Variants in PAXBP1 observed in about 807,000 individuals in gnomAD.
PAXBP1 encodes PAX3 and PAX7 binding protein 1.
A neutral mutation model predicts 119.9 loss-of-function variants in PAXBP1; 44 were observed. The ratio of observed to expected loss-of-function variants is 0.37; its 90% CI spans 0.29 to 0.47. PAXBP1 has a LOEUF of 0.47. PAXBP1 is among the 20% of genes least tolerant of loss of function. The probability of loss-of-function intolerance (pLI) is 0.99; values close to 1 mark genes in which losing one functional copy is unlikely to be tolerated. For missense variants in PAXBP1, 898 were observed against 1,134.1 expected (o/e 0.79, Z 2.99); for synonymous variants, 393 against 406.6 (o/e 0.97, Z 0.40).
intron 16 of PAXBP1, among the ~76,000 whole-genome samples, chr21:32,737,772 A>C (rs1467984867): frequency 6.6e-6 from 1 of 152,214 alleles, no homozygotes; most frequent in Non-Finnish European, 1.5e-5. Flanking sequence ...AGTGGTATAA[A>C]AATGAAATTA....
At chr21:32,750,524 A>C (rs2043942903) in intron 10 of PAXBP1, among the ~76,000 whole-genome samples, 1 of 152,300 alleles carries the variant, frequency 6.6e-6, no homozygotes, top group Middle Eastern at 3.4e-3. Flanking sequence ...CATTCCTCTA[A>C]GGTGAGATTA....
chr21:32,756,346 A>T lies in PAXBP1; in HGVS notation c.1384-993T>A, dbSNP rs201802590. The T allele has an allele frequency of 8.7e-4, 462 of 531,154 alleles. 4 individuals are homozygous for T. Among genetic ancestry groups the T allele is most frequent in the South Asian group, 6.1e-3 (434 of 70,632 alleles). The allele number at this position is 531,154 out of a possible 1,614,324, so 32.9% of individuals were successfully genotyped here. ...TGGGAACACTGGCACCAAGTGTTAT[A>T]GCAGCTTCCTGAACTGAACAGACTG... is the stretch of plus-strand genomic sequence containing the variant. On this transcript the variant is annotated intron_variant, in intron 7 of 17. Transcript: ENST00000331923.
At chr21:32,756,578 A>T in intron 7 of PAXBP1, 1 of 260,270 alleles carries the variant, frequency 3.8e-6, no homozygotes, top group South Asian at 3.6e-5. Flanking sequence ...GAGTCCAGAG[A>T]CTCTATCATT....
chr21:32,738,054 C>T, intron 16 of PAXBP1, 119 bp downstream of exon 16: 1 of 1,038,704 alleles, frequency 9.6e-7, no homozygotes, highest in Non-Finnish European at 1.3e-6. Flanking sequence ...GTCAACCTTA[C>T]ATGCAAGTCC....
chr21:32,768,638 C>T (rs573809454), intron 2 of PAXBP1, among the ~76,000 whole-genome samples: 2 of 152,312 alleles, frequency 1.3e-5, no homozygotes, highest in South Asian at 4.1e-4. Context: ...TGAGTTTAAA[C>T]TGCTTTAGGC....
At position 32,759,758 on chromosome 21, in the gene PAXBP1, A is replaced by G; in HGVS notation, c.1193+19T>C. 1 of 1,594,232 alleles carries G rather than the reference A, an allele frequency of 6.3e-7. No homozygotes were observed. On this transcript the variant is annotated intron_variant, in intron 6 of 17. Transcript: ENST00000331923. ...CAGAAAGCTAGCGGACAGGTCTTTA[A>G]GAAGTTGATCTGCCCTACCTGTCTT...
intron 11 of PAXBP1, among the ~76,000 whole-genome samples, chr21:32,746,109 A>C (rs2043867824): frequency 2.0e-5 from 3 of 152,218 alleles, no homozygotes; most frequent in Admixed American, 2.0e-4. Flanking sequence ...CATATACAAA[A>C]GTTAAGTCAA....
rs965404161 is a variant in PAXBP1, at chr21:32,751,045, C to T, written c.1608-13G>A. ...TCTACGACGAGTCCTAAATAATAAA[C>T]ATCAAGTTCCCAAACTAGATAACAG... On this transcript the variant is annotated splice_polypyrimidine_tract_variant and intron_variant, in intron 9 of 17. Coordinates refer to ENST00000331923, the MANE Select transcript of PAXBP1 (RefSeq NM_016631.4). The T allele has an allele frequency of 6.2e-7, 1 of 1,613,042 alleles. No homozygotes were observed. Among genetic ancestry groups the T allele is most frequent in the African/African-American group, 1.3e-5 (1 of 74,866 alleles).
In PAXBP1 at chr21:32,771,700, C is replaced by A; in HGVS notation, c.-32G>T. Reference sequence around the variant, plus strand: ...GGCCCGCACGGCGGTCGAATACTCGCTTCCACACCGCGGCCCCGGCAGCGC... The same window carrying A: ...GGCCCGCACGGCGGTCGAATACTCGATTCCACACCGCGGCCCCGGCAGCGC... On this transcript the variant is annotated 5_prime_UTR_variant, in exon 1 of 18. Transcript: ENST00000331923. 7.4e-7 allele frequency: 1 copy of A among 1,354,756 alleles called. No homozygotes were observed. The highest frequency in any genetic ancestry group is 9.5e-7 in the Non-Finnish European group (1 of 1,054,348). 83.9% of individuals were successfully genotyped at this position (1,354,756 alleles called of 1,614,324 possible).
At chr21:32,739,585 G>A (rs1439494394) in intron 15 of PAXBP1, among the ~76,000 whole-genome samples, 4 of 152,240 alleles carry the variant, frequency 2.6e-5, no homozygotes, top group African/African-American at 9.6e-5. Flanking sequence ...ATAGCAGACA[G>A]AGTAATCTTA....
intron 14 of PAXBP1, 102 bp downstream of exon 14, chr21:32,743,576 A>C: frequency 1.1e-6 from 1 of 887,352 alleles, no homozygotes; most frequent in Non-Finnish European, 1.8e-6. Context: ...AATACACTAC[A>C]TGGGTGAAGT....
chr21:32,765,733 C>G (rs2146522741), intron 2 of PAXBP1, among the ~76,000 whole-genome samples: 1 of 150,986 alleles, frequency 6.6e-6, no homozygotes, highest in Non-Finnish European at 1.5e-5. Flanking sequence ...TTTCATTTAC[C>G]ATTTTCTCAT....
chr21:32,740,079 C>T (rs1281234104), intron 15 of PAXBP1, among the ~76,000 whole-genome samples: 1 of 151,762 alleles, frequency 6.6e-6, no homozygotes, highest in Non-Finnish European at 1.5e-5. Context: ...TCTTGGGCCT[C>T]TTCAAGCTGG....
At chr21:32,752,488 C>T (rs2146492511) in intron 8 of PAXBP1, among the ~76,000 whole-genome samples, 1 of 152,314 alleles carries the variant, frequency 6.6e-6, no homozygotes, top group East Asian at 1.9e-4. Flanking sequence ...AGATGAAAGA[C>T]ATCCAAGTTA....
intron 3 of PAXBP1, among the ~76,000 whole-genome samples, chr21:32,763,406 A>G (rs566051048): frequency 6.6e-6 from 1 of 152,348 alleles, no homozygotes; most frequent in South Asian, 2.1e-4. Context: ...CTGGGTCAAG[A>G]GTAAGAACAT....
chr21:32,758,999 T>G (rs1601602679), intron 7 of PAXBP1, 81 bp downstream of exon 7: 11 of 1,355,810 alleles, frequency 8.1e-6, no homozygotes, highest in African/African-American at 1.5e-5. Flanking sequence ...TTTCTGAGAA[T>G]TATAGAATGT....
Position 32,764,540 on chromosome 21 carries a change from A to C in PAXBP1, c.473-16T>G. 6.5e-7 allele frequency: 1 copy of C among 1,532,790 alleles called. No individual in the cohort carries two copies. The highest frequency in any genetic ancestry group is 1.8e-4 in the Middle Eastern group (1 of 5,636). The allele number at this position is 1,532,790 out of a possible 1,614,324, so 94.9% of individuals were successfully genotyped here. ...GGTTGTTCACCTAAATTTTTGAAGA[A>C]TTAAAATATATGTAAAATAAAATTC... On this transcript the variant is annotated splice_polypyrimidine_tract_variant and intron_variant, in intron 2 of 17. Transcript: ENST00000331923.
intron 11 of PAXBP1, among the ~76,000 whole-genome samples, chr21:32,746,825 G>A (rs1453098119): frequency 6.6e-6 from 1 of 152,114 alleles, no homozygotes; most frequent in Non-Finnish European, 1.5e-5. Flanking sequence ...GCAAAGACAT[G>A]GAATCAACCC....
intron 2 of PAXBP1, among the ~76,000 whole-genome samples, chr21:32,765,411 C>T (rs2044224195): frequency 6.6e-6 from 1 of 152,204 alleles, no homozygotes; most frequent in Non-Finnish European, 1.5e-5. Context: ...AATCCTAATA[C>T]AGCCTCTGTC....
Sources: allele counts gnomAD v4.1 joint callset (sites outside exome capture counted in the v4.1 genomes callset), GRCh38; gene constraint gnomAD v4.1.1; transcripts MANE v1.5; gene names NCBI Gene and HGNC (gene_info 2026-07-23, HGNC 2026-07-21).